TRPM3: variants seen among roughly 807,000 people sequenced by gnomAD.
The protein encoded by TRPM3 is long transient receptor potential channel 3.
TRPM3 carries 77 observed loss-of-function variants against 181.2 expected under a neutral mutation model. The observed-to-expected ratio is 0.42, with a 90% CI of 0.35 to 0.51. The LOEUF is 0.51. TRPM3 is among the 20% of genes least tolerant of loss of function. TRPM3 has a pLI of 0.01. For synonymous variants in TRPM3, 745 were observed against 796.4 expected, an observed-to-expected ratio of 0.94 and a Z score of 1.09; for missense variants, 1,759 against 2,196.7, an observed-to-expected ratio of 0.80 and a Z score of 3.98.
chr9:70,772,742 T>C (rs925870795), intron 7 of TRPM3, among the ~76,000 whole-genome samples: 1 of 152,198 alleles, frequency 6.6e-6, no homozygotes, highest in African/African-American at 2.4e-5. Flanking sequence ...CAATGTTGGC[T>C]GTGTCTCTGT....
At chr9:70,970,832 C>T (rs980184473) in intron 1 of TRPM3, among the ~76,000 whole-genome samples, 8 of 152,036 alleles carry the variant, frequency 5.3e-5, no homozygotes, top group African/African-American at 1.9e-4. Flanking sequence ...GAGTGGTCTC[C>T]CCAAAAGAGA....
At chr9:70,962,553 C>A (rs564824442) in intron 1 of TRPM3, among the ~76,000 whole-genome samples, 1 of 152,076 alleles carries the variant, frequency 6.6e-6, no homozygotes, top group Non-Finnish European at 1.5e-5. Flanking sequence ...CAGTAGTTTC[C>A]CCCTATCCAT....
intron 1 of TRPM3, among the ~76,000 whole-genome samples, chr9:71,294,733 A>AT (rs1386506479): frequency 1.1e-4 from 16 of 152,294 alleles, no homozygotes; most frequent in African/African-American, 3.8e-4. Context: ...AAGCTCAGAT[A>AT]TTCATCAACA....
intron 1 of TRPM3, among the ~76,000 whole-genome samples, chr9:71,396,015 A>G (rs2093182368): frequency 6.6e-6 from 1 of 152,152 alleles, no homozygotes; most frequent in South Asian, 2.1e-4. Flanking sequence ...AGAATAAGAA[A>G]CGTTAATAAA....
intron 1 of TRPM3, among the ~76,000 whole-genome samples, chr9:71,164,597 T>G (rs1046564791): frequency 1.3e-4 from 20 of 152,014 alleles, no homozygotes; most frequent in African/African-American, 4.3e-4. Flanking sequence ...GAAAAGTATC[T>G]ATATAAAGAC....
At chr9:71,190,407 C>T (rs909402109) in intron 1 of TRPM3, among the ~76,000 whole-genome samples, 1 of 151,840 alleles carries the variant, frequency 6.6e-6, no homozygotes, top group Non-Finnish European at 1.5e-5. Flanking sequence ...CCATTAATAT[C>T]CAAACATCAT....
chr9:71,359,204 T>A (rs1425887450), intron 1 of TRPM3, among the ~76,000 whole-genome samples: 1 of 152,176 alleles, frequency 6.6e-6, no homozygotes, highest in Non-Finnish European at 1.5e-5. Flanking sequence ...AGGTAATGAA[T>A]CTGTTGGAAT....
chr9:70,781,349 A>AAAAAAAAAAAAAAAAAAAAAAAAAAAG (rs2082419360), intron 7 of TRPM3, among the ~76,000 whole-genome samples: 1 of 144,138 alleles, frequency 6.9e-6, no homozygotes, highest in African/African-American at 2.6e-5. Flanking sequence ...AAAAAAAAAA[A>AAAAAAAAAAAAAAAAAAAAAAAAAAAG]GAAAACATGA....
At chr9:71,161,018 C>T (rs2076250213) in intron 1 of TRPM3, among the ~76,000 whole-genome samples, 1 of 152,172 alleles carries the variant, frequency 6.6e-6, no homozygotes, top group Admixed American at 6.6e-5. Flanking sequence ...TGTCGTTTCA[C>T]TGAGCACAGA....
intron 1 of TRPM3, among the ~76,000 whole-genome samples, chr9:71,200,483 TC>T (rs1313510277): frequency 6.6e-6 from 1 of 151,714 alleles, no homozygotes; most frequent in African/African-American, 2.4e-5. Flanking sequence ...TGTTAAAGTC[TC>T]CCATTATTAT....
chr9:71,443,963 G>A (rs779204259), intron 1 of TRPM3, among the ~76,000 whole-genome samples: 8 of 151,990 alleles, frequency 5.3e-5, no homozygotes, highest in South Asian at 2.1e-4. Context: ...GGCAGATCAC[G>A]AGGTCAGGAG....
At chr9:70,569,205 T>G (rs1588560887) in intron 22 of TRPM3, among the ~76,000 whole-genome samples, 1 of 152,236 alleles carries the variant, frequency 6.6e-6, no homozygotes, top group Non-Finnish European at 1.5e-5. Context: ...TTGTTTATCC[T>G]GCATCTGTTT....
intron 1 of TRPM3, among the ~76,000 whole-genome samples, chr9:70,954,401 T>G (rs1312563384): frequency 2.6e-5 from 4 of 152,160 alleles, no homozygotes; most frequent in Non-Finnish European, 5.9e-5. Flanking sequence ...TGAGAAGGAA[T>G]GAAGACTCCC....
chr9:70,589,947 G>A (rs142006899), intron 22 of TRPM3, among the ~76,000 whole-genome samples: 1 of 152,302 alleles, frequency 6.6e-6, no homozygotes, highest in Non-Finnish European at 1.5e-5. Context: ...GGCAGTGGGA[G>A]TGGGGATGCT....
chr9:71,275,098 G>T (rs2084092143), intron 1 of TRPM3, among the ~76,000 whole-genome samples: 1 of 152,102 alleles, frequency 6.6e-6, no homozygotes, highest in Non-Finnish European at 1.5e-5. Flanking sequence ...AATTACAAAA[G>T]AAGCAGCAAA....
chr9:70,684,215 G>A (rs2066204252), intron 8 of TRPM3, among the ~76,000 whole-genome samples: 1 of 152,236 alleles, frequency 6.6e-6, no homozygotes, highest in Non-Finnish European at 1.5e-5. Flanking sequence ...TTGAGGTTGA[G>A]GAAAGGAAGA....
chr9:70,648,753 C>G (rs1359407375), intron 9 of TRPM3, among the ~76,000 whole-genome samples: 1 of 152,172 alleles, frequency 6.6e-6, no homozygotes, highest in African/African-American at 2.4e-5. Context: ...CAAGGACTCT[C>G]TATTCAGTAA....
intron 1 of TRPM3, among the ~76,000 whole-genome samples, chr9:71,140,390 A>G (rs2075025659): frequency 1.3e-5 from 2 of 152,250 alleles, no homozygotes; most frequent in East Asian, 3.9e-4. Flanking sequence ...ATTGTCTTTC[A>G]TTTCCAAAAG....
At chr9:71,053,562 A>C (rs1156893975) in intron 1 of TRPM3, among the ~76,000 whole-genome samples, 1 of 152,104 alleles carries the variant, frequency 6.6e-6, no homozygotes, top group Non-Finnish European at 1.5e-5. Context: ...ATGCCACCTA[A>C]AATTCCACTG....
Sources: allele counts gnomAD v4.1 joint callset (sites outside exome capture counted in the v4.1 genomes callset), GRCh38; gene constraint gnomAD v4.1.1; transcripts MANE v1.5; gene names NCBI Gene and HGNC (gene_info 2026-07-23, HGNC 2026-07-21).